PNPLA1: variants seen among roughly 807,000 people sequenced by gnomAD.
PNPLA1 encodes omega-hydroxyceramide transacylase.
Under a neutral mutation model 51.7 loss-of-function variants are expected in PNPLA1, and 36 were observed. The observed-to-expected ratio is 0.70, with a 90% CI of 0.53 to 0.92. The LOEUF is 0.92. PNPLA1 is among the 40% of genes least tolerant of loss of function. The probability of loss-of-function intolerance (pLI) is 0.00; values close to 1 mark genes in which losing one functional copy is unlikely to be tolerated. For synonymous variants in PNPLA1, 293 were observed against 280.1 expected, an observed-to-expected ratio of 1.05 and a Z score of -0.46; for missense variants, 658 against 682.5, an observed-to-expected ratio of 0.96 and a Z score of 0.40.
intron 1 of PNPLA1, among the ~76,000 whole-genome samples, chr6:36,285,941 C>T (rs1021418906): frequency 6.6e-6 from 1 of 152,186 alleles, no homozygotes; most frequent in African/African-American, 2.4e-5. Context: ...TTACTCCAAG[C>T]TCGTATTTTG....
At chr6:36,306,464 C>A in intron 7 of PNPLA1, 88 bp downstream of exon 7, 2 of 1,169,604 alleles carry the variant, frequency 1.7e-6, no homozygotes, top group South Asian at 1.4e-5. Flanking sequence ...CCTTAGCTGC[C>A]CCAGGAACTC....
In PNPLA1 at chr6:36,270,387, C is replaced by A. The variant is rs573611695; in HGVS notation, c.-73C>A. 1.4e-6 allele frequency: 2 copies of A among 1,463,506 alleles called. No homozygotes were observed. Among genetic ancestry groups the A allele is most frequent in the Non-Finnish European group, 9.3e-7 (1 of 1,072,174 alleles). 90.7% of individuals were successfully genotyped at this position (1,463,506 alleles called of 1,614,324 possible). ...CTGGGTAGGGAGTTCCTACAGGGAGCGGCAGCCCAGGCTCGGGCAGGCAAG... is the reference window on the plus strand; with the variant it reads ...CTGGGTAGGGAGTTCCTACAGGGAGAGGCAGCCCAGGCTCGGGCAGGCAAG... On this transcript the variant is annotated 5_prime_UTR_variant, in exon 1 of 9. Transcript: ENST00000636260.
In PNPLA1 at chr6:36,301,489, G is replaced by A. The variant is rs539019163; in HGVS notation, c.776-372G>A. Among the ~76,000 whole-genome samples, 4 of 151,302 alleles carry A rather than the reference G, an allele frequency of 2.6e-5. No individual in the cohort carries two copies. The East Asian group carries it at 5.9e-4, about 22-fold the overall frequency. Reference sequence around the variant, plus strand: ...TCCTCAAACTTTGTGGCCTTTGTGTGTGCTGTTCCCTCTGCTGAAACACCC... The same window carrying A: ...TCCTCAAACTTTGTGGCCTTTGTGTATGCTGTTCCCTCTGCTGAAACACCC... On this transcript the variant is annotated intron_variant, in intron 5 of 8. Transcript: ENST00000636260.
rs12194501 is a variant in PNPLA1, at chr6:36,294,244, G to A, written c.559G>A (p.Ala187Thr). The change falls in exon 4 of 9, where the codon GCC becomes ACC. Residue 187 changes from alanine to threonine, a missense_variant. Ala to Thr is a moderately conservative substitution (Grantham distance 58, BLOSUM62 0). Coordinates refer to ENST00000636260, the MANE Select transcript of PNPLA1 (RefSeq NM_001374623.1). The surrounding 1 kb of genome is among the most constrained non-coding windows in gnomAD (Gnocchi z 4.2). ...GMQPCAFWTD[A>T]ITISTFSGQQ... ...GCAGCCCTGTGCCTTCTGGACCGAC[G>A]CCATCACCATCTCCACCTTCAGTGG... is the stretch of plus-strand genomic sequence containing the variant. 4.3e-6 allele frequency: 7 copies of A among 1,614,168 alleles called. No individual in the cohort carries two copies. Among genetic ancestry groups the A allele is most frequent in the Non-Finnish European group, 5.9e-6 (7 of 1,180,028 alleles).
In PNPLA1 at chr6:36,295,403, G is replaced by A. The variant is rs1466342416; in HGVS notation, c.754G>A (p.Val252Ile). ...CTACTACCGAGGGTACGAGGATGCA[G>A]TTTTGTACTTGAGGCGGCTGAGTAA... ...DYYYRGYEDA[V>I]LYLRRLNAVY... Residue 252 changes from valine to isoleucine, a missense_variant, in exon 5 of 9, where the codon GTT becomes ATT. Val to Ile is a conservative substitution (Grantham distance 29). Transcript: ENST00000636260. 1 of 1,614,088 alleles carries A rather than the reference G, an allele frequency of 6.2e-7. No homozygotes were observed. The highest frequency in any genetic ancestry group is 8.5e-7 in the Non-Finnish European group (1 of 1,180,036).
intron 1 of PNPLA1, among the ~76,000 whole-genome samples, chr6:36,288,948 A>G (rs1204709610): frequency 6.6e-6 from 1 of 152,118 alleles, no homozygotes; most frequent in Non-Finnish European, 1.5e-5. Context: ...TAGGTTATAA[A>G]TGGATATTTG....
Position 36,306,383 on chromosome 6 carries a change from T to C in PNPLA1, c.1469+7T>C, listed in dbSNP as rs1331733779. On this transcript the variant is annotated splice_region_variant and intron_variant, in intron 7 of 8. Coordinates refer to ENST00000636260, the MANE Select transcript of PNPLA1 (RefSeq NM_001374623.1). The stretch of plus-strand genomic sequence containing the variant: ...TCAGCAAGCCTTATGTAACGTAAGT[T>C]TCCCCTTCGTGGAGCACGCTCTTTC... The C allele has an allele frequency of 6.2e-7, 1 of 1,605,572 alleles. No homozygotes were observed. Among genetic ancestry groups the C allele is most frequent in the Non-Finnish European group, 8.5e-7 (1 of 1,176,052 alleles).
At chr6:36,245,551 T>G (rs1361860162) in intron 1 of PNPLA1, among the ~76,000 whole-genome samples, 1 of 152,228 alleles carries the variant, frequency 6.6e-6, no homozygotes, top group Non-Finnish European at 1.5e-5. Flanking sequence ...CTGTCTCAAC[T>G]CTGGCTATCA....
At chr6:36,275,882 T>C (rs1470985216) in intron 1 of PNPLA1, among the ~76,000 whole-genome samples, 2 of 152,208 alleles carry the variant, frequency 1.3e-5, no homozygotes, top group Non-Finnish European at 2.9e-5. Flanking sequence ...TTTTATTAGA[T>C]TTACTTTTCC....
At chr6:36,307,772 C>G in intron 8 of PNPLA1, 60 bp downstream of exon 8, 2 of 1,596,912 alleles carry the variant, frequency 1.3e-6, no homozygotes, top group Non-Finnish European at 1.7e-6. Flanking sequence ...GAACTGTGTT[C>G]AGAGAGATTC....
intron 1 of PNPLA1, among the ~76,000 whole-genome samples, chr6:36,278,610 C>T (rs560351348): frequency 6.6e-6 from 1 of 152,302 alleles, no homozygotes; most frequent in South Asian, 2.1e-4. Context: ...GCCCCGGCTG[C>T]ACTAGTACAG....
intron 1 of PNPLA1, among the ~76,000 whole-genome samples, chr6:36,279,867 A>G (rs1374011334): frequency 6.6e-6 from 1 of 152,272 alleles, no homozygotes; most frequent in African/African-American, 2.4e-5. Context: ...TAGATAAAGC[A>G]GCACTTTCCA....
At chr6:36,288,123 G>C (rs1770559903) in intron 1 of PNPLA1, among the ~76,000 whole-genome samples, 1 of 152,144 alleles carries the variant, frequency 6.6e-6, no homozygotes, top group Non-Finnish European at 1.5e-5. Flanking sequence ...AAATATGCGT[G>C]CCTTTGACCT....
rs1175697837 is a variant in PNPLA1, at chr6:36,312,102, G to A, written c.*216G>A. On this transcript the variant is annotated 3_prime_UTR_variant, in exon 9 of 9. Coordinates refer to ENST00000636260, the MANE Select transcript of PNPLA1 (RefSeq NM_001374623.1). ...AAAATTGTCATAATATGCTGATTTTGTTAGAGCAAGACACTTGACTGACAA... is the reference window on the plus strand; with the variant it reads ...AAAATTGTCATAATATGCTGATTTTATTAGAGCAAGACACTTGACTGACAA... 3.3e-5 allele frequency: 5 copies of A among 152,244 alleles called. No homozygotes were observed. Among genetic ancestry groups the A allele is most frequent in the African/African-American group, 1.2e-4 (5 of 41,424 alleles). 9.4% of individuals were successfully genotyped at this position (152,244 alleles called of 1,614,324 possible). A position where few individuals can be genotyped will look rare whatever the true frequency, so the allele number is the denominator to read the frequency against.
intron 1 of PNPLA1, among the ~76,000 whole-genome samples, chr6:36,263,218 G>A (rs558010526): frequency 1.1e-4 from 16 of 152,172 alleles, no homozygotes; most frequent in Non-Finnish European, 1.6e-4. Flanking sequence ...TTGTATCACC[G>A]AAGACACCAT....
intron 8 of PNPLA1, among the ~76,000 whole-genome samples, chr6:36,309,742 T>C (rs528420751): frequency 6.6e-6 from 1 of 152,364 alleles, no homozygotes; most frequent in African/African-American, 2.4e-5. Flanking sequence ...GAACAGATGC[T>C]GAGCCTGCCT....
chr6:36,291,562 CT>C lies in PNPLA1; in HGVS notation c.438+11del. On this transcript the variant is annotated intron_variant, in intron 2 of 8. Coordinates refer to ENST00000636260, the MANE Select transcript of PNPLA1 (RefSeq NM_001374623.1). The stretch of plus-strand genomic sequence containing the variant: ...GGAGGAGCTCATTGAGGCAAGGGGG[CT>C]GGGCTGGGAGGGAGGGACACGGAGG... The C allele has an allele frequency of 6.5e-6, 1 of 154,118 alleles. No individual in the cohort carries two copies. The allele number at this position is 154,118 out of a possible 1,614,324, so 9.5% of individuals were successfully genotyped here.
chr6:36,307,667 G>C lies in PNPLA1; in HGVS notation c.1550G>C (p.Gly517Ala). 6.2e-7 allele frequency: 1 copy of C among 1,614,014 alleles called. No homozygotes were observed. Among genetic ancestry groups the C allele is most frequent in the Non-Finnish European group, 8.5e-7 (1 of 1,179,992 alleles). The change falls in exon 8 of 9, where the codon GGC becomes GCC. Residue 517 changes from glycine (G) to alanine (A), a missense_variant. By Grantham distance (60) the Gly-to-Ala change is moderately conservative. Coordinates refer to ENST00000636260, the MANE Select transcript of PNPLA1 (RefSeq NM_001374623.1). ...CAAAAGACAAGTGGCACCAGAAAAG[G>C]CTTCCCAAGACATTCGGGATCCAAA... ...NKQKTSGTRK[G>A]FPRHSGSKKP... is the part of the protein sequence containing the mutation.
At chr6:36,282,366 T>C (rs1164216781) in intron 1 of PNPLA1, among the ~76,000 whole-genome samples, 1 of 152,262 alleles carries the variant, frequency 6.6e-6, no homozygotes, top group Non-Finnish European at 1.5e-5. Flanking sequence ...CCCACTACCA[T>C]GTTGGAACCA....
Sources: allele counts gnomAD v4.1 joint callset (sites outside exome capture counted in the v4.1 genomes callset), GRCh38; gene constraint gnomAD v4.1.1; non-coding constraint Gnocchi (gnomAD v3.1); transcripts MANE v1.5; gene names NCBI Gene and HGNC (gene_info 2026-07-23, HGNC 2026-07-21).